NFATC3: variants seen among roughly 807,000 people sequenced by gnomAD.
The protein encoded by NFATC3 is nuclear factor of activated T-cells, cytoplasmic 3.
A neutral mutation model predicts 98.6 loss-of-function variants in NFATC3; 46 were observed. The observed-to-expected ratio is 0.47, with a 90% confidence interval of 0.37 to 0.60. NFATC3 has a LOEUF of 0.60. NFATC3 is among the 20% of genes least tolerant of loss of function. The pLI, the probability that NFATC3 is intolerant of heterozygous loss-of-function variation, is 0.00. For synonymous variants in NFATC3, 512 were observed against 472.2 expected (o/e 1.08, Z -1.09); for missense variants, 1,256 against 1,295.5 (o/e 0.97, Z 0.47).
At chr16:68,125,510 A>C (rs1306983979) in intron 2 of NFATC3, among the ~76,000 whole-genome samples, 1 of 152,214 alleles carries the variant, frequency 6.6e-6, no homozygotes, top group Non-Finnish European at 1.5e-5. Flanking sequence ...ATTGCAGTAT[A>C]TTGCTGAATG....
Position 68,191,681 on chromosome 16 carries a change from A to G in NFATC3, c.3012A>G (p.Pro1004=), listed in dbSNP as rs2040416863. The change falls in exon 9 of 10, where the codon CCA becomes CCG. Residue 1004 remains proline, a synonymous_variant. Coordinates refer to ENST00000346183, the MANE Select transcript of NFATC3 (RefSeq NM_173165.3). ...CHSLCDPASF[P]PDGATVSIKP... ...GTTTGTGTGATCCAGCGTCATTTCC[A>G]CCTGATGGGGCAACTGTGAGCATTA... is the stretch of plus-strand genomic sequence containing the variant. 4 of 1,614,004 alleles carry G rather than the reference A, an allele frequency of 2.5e-6. No individual in the cohort carries two copies. The highest frequency in any genetic ancestry group is 2.7e-5 in the African/African-American group (2 of 74,986).
At chr16:68,167,580 G>A (rs149255885) in intron 5 of NFATC3, among the ~76,000 whole-genome samples, 1 of 152,206 alleles carries the variant, frequency 6.6e-6, no homozygotes, top group African/African-American at 2.4e-5. Flanking sequence ...TCTTGGGCAG[G>A]TTAGCTGGTA....
intron 6 of NFATC3, among the ~76,000 whole-genome samples, chr16:68,174,834 A>C (rs1199893774): frequency 6.6e-6 from 1 of 152,190 alleles, no homozygotes; most frequent in Non-Finnish European, 1.5e-5. Context: ...TGGGCAACAG[A>C]GTGAAACCTT....
intron 1 of NFATC3, among the ~76,000 whole-genome samples, chr16:68,100,083 T>G (rs1467083300): frequency 2.0e-5 from 3 of 152,228 alleles, no homozygotes; most frequent in Non-Finnish European, 4.4e-5. Context: ...TAGTGTTCCA[T>G]CATATGGATG....
At chr16:68,224,699 T>A (rs966961382) in intron 9 of NFATC3, 2 of 151,676 alleles carry the variant, frequency 1.3e-5, no homozygotes, top group African/African-American at 4.9e-5. Flanking sequence ...TAGTAAATAT[T>A]AGTTCCTTCT....
At position 68,224,028 on chromosome 16, in the gene NFATC3, T is replaced by C. The variant is rs558335201; in HGVS notation, c.3107-2322T>C. ...TCAGGAGGCCGAGGTGGGTGGATCA[T>C]GAGGACAGGAGATCGAGACCGTCCT... On this transcript the variant is annotated intron_variant, in intron 9 of 9. Transcript: ENST00000346183. Among the ~76,000 whole-genome samples, 11 of 149,066 alleles carry C rather than the reference T, an allele frequency of 7.4e-5. No individual in the cohort carries two copies. The East Asian group carries it at 2.2e-3, about 30-fold the overall frequency.
intron 1 of NFATC3, among the ~76,000 whole-genome samples, chr16:68,094,703 A>G (rs150668049): frequency 1.3e-5 from 2 of 152,304 alleles, no homozygotes; most frequent in East Asian, 1.9e-4. Flanking sequence ...TTGGCTGATC[A>G]TGGTTTTAGC....
chr16:68,149,243 T>G (rs1598446145), intron 3 of NFATC3, among the ~76,000 whole-genome samples: 1 of 152,168 alleles, frequency 6.6e-6, no homozygotes, highest in East Asian at 1.9e-4. Context: ...GAGTGAGACC[T>G]CTGACCATTT....
At chr16:68,142,919 T>A (rs1377937002) in intron 3 of NFATC3, among the ~76,000 whole-genome samples, 1 of 152,134 alleles carries the variant, frequency 6.6e-6, no homozygotes, top group East Asian at 1.9e-4. Context: ...TAGGATTTCC[T>A]GTATTAATAA....
At position 68,151,264 on chromosome 16, in the gene NFATC3, C is replaced by T. The variant is rs552817558; in HGVS notation, c.1402-6605C>T. Among the ~76,000 whole-genome samples the T allele has an allele frequency of 9.2e-5, 14 of 152,006 alleles. No individual in the cohort carries two copies. The South Asian group carries it at 1.9e-3, about 20-fold the overall frequency. ...ACAGTGAAGTAGTTGGACGCTTACACATGCTTGATAATGACTATAGAAGAC... is the reference window on the plus strand; with the variant it reads ...ACAGTGAAGTAGTTGGACGCTTACATATGCTTGATAATGACTATAGAAGAC... On this transcript the variant is annotated intron_variant, in intron 3 of 9. Transcript: ENST00000346183.
chr16:68,116,000 A>G (rs571594932), intron 1 of NFATC3, among the ~76,000 whole-genome samples: 41 of 152,196 alleles, frequency 2.7e-4, no homozygotes, highest in African/African-American at 9.9e-4. Flanking sequence ...TGTCACTGCA[A>G]TTTGTGTCCA....
chr16:68,210,858 T>C (rs1416474199), intron 9 of NFATC3, among the ~76,000 whole-genome samples: 13 of 152,106 alleles, frequency 8.5e-5, no homozygotes, highest in Admixed American at 8.5e-4. Context: ...CTCGGCTCAC[T>C]GCAACCTCTG....
chr16:68,186,089 C>T (rs1469100927), intron 8 of NFATC3, among the ~76,000 whole-genome samples: 1 of 152,034 alleles, frequency 6.6e-6, no homozygotes, highest in Non-Finnish European at 1.5e-5. Flanking sequence ...GAAGAATAGA[C>T]ACACAGGAAT....
intron 3 of NFATC3, among the ~76,000 whole-genome samples, chr16:68,149,191 TG>T (rs989358777): frequency 2.0e-5 from 3 of 150,260 alleles, no homozygotes; most frequent in Admixed American, 6.7e-5. Flanking sequence ...TAAAATGGGG[TG>T]GGGGCGGAAG....
intron 3 of NFATC3, among the ~76,000 whole-genome samples, chr16:68,156,609 A>C (rs1358675390): frequency 5.3e-5 from 8 of 152,168 alleles, no homozygotes; most frequent in South Asian, 2.1e-4. Context: ...TAGAGAAAAA[A>C]ACCTTTGACA....
chr16:68,171,805 T>TGGG (rs576059228), intron 5 of NFATC3, among the ~76,000 whole-genome samples: 88 of 151,684 alleles, frequency 5.8e-4, no homozygotes, highest in African/African-American at 2.0e-3. Context: ...TTCTTTTTTT[T>TGGG]ATGATGGAGT....
At chr16:68,223,794 C>T in intron 9 of NFATC3, among the ~76,000 whole-genome samples, 1 of 149,318 alleles carries the variant, frequency 6.7e-6, no homozygotes, top group Non-Finnish European at 1.5e-5. Context: ...ACTTGGGAGG[C>T]TGAGGCAGGA....
intron 3 of NFATC3, 37 bp from the exon 4 acceptor site, chr16:68,157,832 T>C (rs373061240): frequency 6.5e-7 from 1 of 1,545,674 alleles, no homozygotes; most frequent in Admixed American, 1.7e-5. Flanking sequence ...GCATGGATAA[T>C]GAATTGTGCT....
intron 9 of NFATC3, chr16:68,221,366 G>A: frequency 1.3e-6 from 2 of 1,571,572 alleles, no homozygotes; most frequent in Non-Finnish European, 8.6e-7. Flanking sequence ...ATTAACACTC[G>A]GCTCAAGTTA....
Sources: allele counts gnomAD v4.1 joint callset (sites outside exome capture counted in the v4.1 genomes callset), GRCh38; gene constraint gnomAD v4.1.1; transcripts MANE v1.5; gene names NCBI Gene and HGNC (gene_info 2026-07-23, HGNC 2026-07-21).